Variants in CSMD3 observed in about 807,000 individuals in gnomAD.
CSMD3 encodes the protein CUB and sushi domain-containing protein 3.
A neutral mutation model predicts 435.2 loss-of-function variants in CSMD3; 177 were observed. That is an observed-to-expected ratio of 0.41 (90% CI 0.36 to 0.46). CSMD3 has a LOEUF of 0.46. CSMD3 is among the 20% of genes least tolerant of loss of function. The probability of loss-of-function intolerance (pLI) is 0.34; values close to 1 mark genes in which losing one functional copy is unlikely to be tolerated. For synonymous variants in CSMD3, 1,656 were observed against 1,520.5 expected (o/e 1.09, Z -2.07); for missense variants, 4,265 against 4,504.6 (o/e 0.95, Z 1.52).
chr8:112,621,806 T>A (rs951346770), intron 22 of CSMD3, among the ~76,000 whole-genome samples: 2 of 152,190 alleles, frequency 1.3e-5, no homozygotes, highest in African/African-American at 4.8e-5. Context: ...CTTGCTCATC[T>A]TATCCAATTT....
At chr8:112,781,281 C>A (rs2078378512) in intron 13 of CSMD3, among the ~76,000 whole-genome samples, 1 of 151,848 alleles carries the variant, frequency 6.6e-6, no homozygotes, top group Admixed American at 6.6e-5. Flanking sequence ...TAGTGGTAGC[C>A]CGGCAGTACT....
At chr8:113,072,185 A>T (rs1313117258) in intron 5 of CSMD3, among the ~76,000 whole-genome samples, 3 of 151,648 alleles carry the variant, frequency 2.0e-5, no homozygotes, top group Non-Finnish European at 4.4e-5. Context: ...TTGTTTTTTC[A>T]TTCTAACAGA....
chr8:112,902,439 A>G (rs903459112), intron 10 of CSMD3, among the ~76,000 whole-genome samples: 3 of 151,272 alleles, frequency 2.0e-5, no homozygotes, highest in African/African-American at 7.3e-5. Flanking sequence ...TACGTTTTAA[A>G]AAATGGCAGC....
At chr8:112,610,365 C>T (rs1297362392) in intron 22 of CSMD3, among the ~76,000 whole-genome samples, 1 of 151,584 alleles carries the variant, frequency 6.6e-6, no homozygotes, top group African/African-American at 2.4e-5. Context: ...GTTAAGGAGC[C>T]TCAGCAAAAA....
intron 13 of CSMD3, among the ~76,000 whole-genome samples, chr8:112,784,879 A>T (rs2078496018): frequency 6.6e-6 from 1 of 152,074 alleles, no homozygotes; most frequent in Admixed American, 6.6e-5. Context: ...TCCAAAAAAT[A>T]GAGGATGAGG....
At chr8:112,497,192 A>C (rs946412183) in intron 30 of CSMD3, among the ~76,000 whole-genome samples, 1 of 152,112 alleles carries the variant, frequency 6.6e-6, no homozygotes, top group African/African-American at 2.4e-5. Context: ...AGAGAGTAGA[A>C]TGATGCTTAC....
At chr8:113,386,844 G>A (rs917886882) in intron 1 of CSMD3, among the ~76,000 whole-genome samples, 3 of 151,818 alleles carry the variant, frequency 2.0e-5, no homozygotes, top group African/African-American at 7.2e-5. Flanking sequence ...TACTTCAAAT[G>A]TTTCTCAAGC....
At chr8:112,302,636 G>C (rs1424783951) in intron 52 of CSMD3, among the ~76,000 whole-genome samples, 1 of 151,822 alleles carries the variant, frequency 6.6e-6, no homozygotes, top group Non-Finnish European at 1.5e-5. Flanking sequence ...CATGTTCATT[G>C]GGCTTGTATT....
chr8:113,116,209 T>G (rs1221198982), intron 4 of CSMD3, among the ~76,000 whole-genome samples: 1 of 152,198 alleles, frequency 6.6e-6, no homozygotes, highest in Non-Finnish European at 1.5e-5. Flanking sequence ...TGAATTGTAG[T>G]TCCCATAATC....
At chr8:113,050,917 C>T (rs543674347) in intron 5 of CSMD3, among the ~76,000 whole-genome samples, 17 of 152,146 alleles carry the variant, frequency 1.1e-4, no homozygotes, top group Non-Finnish European at 1.9e-4. Context: ...TCCCATTTTA[C>T]AGCAATTTAA....
At position 112,228,792 on chromosome 8, in the gene CSMD3, A is replaced by G. The variant is rs138321672; in HGVS notation, c.10928T>C (p.Ile3643Thr). The change falls in exon 70 of 71, where the codon ATA becomes ACA. Residue 3643 changes from isoleucine (I) to threonine (T), a missense_variant. Around this residue, in one of 3 missense-constraint regions of CSMD3, gnomAD observed 3,255 missense variants for 3,380.2 expected, o/e 0.96. Transcript: ENST00000297405. Reference sequence around the variant, plus strand: ...AAGATAAAATCCAAATCCTGCAAATATAAGTGCAAAAAAAGGCACAAGAAT... The same window carrying G: ...AAGATAAAATCCAAATCCTGCAAATGTAAGTGCAAAAAAAGGCACAAGAAT... ...IAILVPFFAL[I>T]FAGFGFYLYK... 102 of 1,588,354 alleles carry G rather than the reference A, an allele frequency of 6.4e-5. 1 individual carries two copies. In the African/African-American group the frequency reaches 9.8e-4, roughly 15 times the overall value.
intron 3 of CSMD3, among the ~76,000 whole-genome samples, chr8:113,211,147 T>C (rs1466914795): frequency 1.3e-5 from 2 of 152,144 alleles, no homozygotes; most frequent in Admixed American, 1.3e-4. Flanking sequence ...ACAAATATAC[T>C]CAAATATAAA....
intron 27 of CSMD3, among the ~76,000 whole-genome samples, chr8:112,526,613 T>C (rs1195172124): frequency 6.6e-6 from 1 of 152,078 alleles, no homozygotes; most frequent in Non-Finnish European, 1.5e-5. Context: ...AGAGCTTTGC[T>C]TTTATTATAA....
chr8:113,431,887 G>A (rs907894402), intron 1 of CSMD3, among the ~76,000 whole-genome samples: 3 of 152,090 alleles, frequency 2.0e-5, no homozygotes, highest in Admixed American at 2.0e-4. Context: ...CAAATTTTGT[G>A]TTTAGGGAAA....
At chr8:112,246,907 T>A in intron 64 of CSMD3, 113 bp downstream of exon 64, 1 of 791,802 alleles carries the variant, frequency 1.3e-6, no homozygotes, top group Admixed American at 2.0e-5. Flanking sequence ...TGTTTTATAA[T>A]CTAAAAGTCA....
At chr8:113,393,142 T>A (rs1005247978) in intron 1 of CSMD3, among the ~76,000 whole-genome samples, 8 of 152,070 alleles carry the variant, frequency 5.3e-5, no homozygotes, top group Non-Finnish European at 8.8e-5. Context: ...CCTTTCCATC[T>A]AGAGTGAGAA....
At chr8:113,284,764 G>A (rs557262422) in intron 2 of CSMD3, among the ~76,000 whole-genome samples, 1 of 152,132 alleles carries the variant, frequency 6.6e-6, no homozygotes, top group Non-Finnish European at 1.5e-5. Context: ...TTTGATATTT[G>A]TAAAATTTAG....
intron 4 of CSMD3, among the ~76,000 whole-genome samples, chr8:113,127,427 G>T (rs2131664630): frequency 6.6e-6 from 1 of 152,042 alleles, no homozygotes; most frequent in East Asian, 1.9e-4. Context: ...CTGTGTACCA[G>T]GCTGTATTTC....
rs750067586 is a variant in CSMD3 at position 112,234,412 on chromosome 8, C to T, written c.10693G>A (p.Ala3565Thr). The T allele has an allele frequency of 1.1e-5, 18 of 1,613,266 alleles. No individual in the cohort carries two copies. The highest frequency in any genetic ancestry group is 4.5e-5 in the East Asian group (2 of 44,788). ...TCTTCCTTCATTTTCTTCACAGAAG[C>T]ATGAGCAGGTACTTTAATAAGATAT... ...RIYLIKVPAH[A>T]SVKKMKEENW... Residue 3565 changes from alanine (A) to threonine (T), a missense_variant, in exon 68 of 71, where the codon GCT (alanine) becomes ACT (threonine). Physicochemically the swap from Ala to Thr is moderately conservative, Grantham distance 58. Around this residue, in one of 3 missense-constraint regions of CSMD3, gnomAD observed 3,255 missense variants for 3,380.2 expected, o/e 0.96. Coordinates refer to ENST00000297405, the MANE Select transcript of CSMD3 (RefSeq NM_198123.2).
Sources: allele counts gnomAD v4.1 joint callset (sites outside exome capture counted in the v4.1 genomes callset), GRCh38; gene constraint gnomAD v4.1.1; regional missense constraint gnomAD v4.1.1; transcripts MANE v1.5; gene names NCBI Gene and HGNC (gene_info 2026-07-23, HGNC 2026-07-21).